CFAP54: variants seen among roughly 807,000 people sequenced by gnomAD.
CFAP54 encodes cilia and flagella associated protein 54, also known as cilia- and flagella-associated protein 54.
Under a neutral mutation model 370.4 loss-of-function variants are expected in CFAP54, and 290 were observed. The observed-to-expected ratio is 0.78, with a 90% CI of 0.71 to 0.86. The LOEUF is 0.86. Among genes scored for constraint, CFAP54 ranks in the 40% least tolerant of loss-of-function variants. CFAP54 has a pLI of 0.00. For synonymous variants in CFAP54, 1,206 were observed against 1,236.5 expected, an observed-to-expected ratio of 0.98 and a Z score of 0.52; for missense variants, 3,399 against 3,528.7, an observed-to-expected ratio of 0.96 and a Z score of 0.93.
At chr12:96,631,476 G>T (rs1051591690) in intron 32 of CFAP54, among the ~76,000 whole-genome samples, 18 of 99,524 alleles carry the variant, frequency 1.8e-4, no homozygotes, top group African/African-American at 4.8e-4. Flanking sequence ...ATTTGCTTTG[G>T]AAATTTGCCT....
chr12:96,613,478 A>G (rs1226741887), intron 26 of CFAP54, among the ~76,000 whole-genome samples: 1 of 152,208 alleles, frequency 6.6e-6, no homozygotes, highest in Non-Finnish European at 1.5e-5. Flanking sequence ...GCAAGAGCGA[A>G]CACATTCAAA....
chr12:96,685,000 T>G lies in CFAP54; in HGVS notation c.5805-29T>G. ...ATTTAATAATGGGTCTCAGAAAACT[T>G]ACTGCTTGATGCTTTGTCTCTGTTT... On this transcript the variant is annotated intron_variant, in intron 41 of 67. Transcript: ENST00000524981. 5 of 1,606,290 alleles carry G rather than the reference T, an allele frequency of 3.1e-6. No individual in the cohort carries two copies. The South Asian group carries it at 4.4e-5, about 14-fold the overall frequency.
chr12:96,552,246 C>CAAAAAAAAAAAAAA (rs374756712), intron 15 of CFAP54, among the ~76,000 whole-genome samples: 2 of 40,974 alleles, frequency 4.9e-5, no homozygotes, highest in African/African-American at 7.6e-5. Flanking sequence ...AACTACATCT[C>CAAAAAAAAAAAAAA]AAAAAAAAAA....
At chr12:96,808,990 T>C (rs1210992185) in intron 63 of CFAP54, among the ~76,000 whole-genome samples, 1 of 152,218 alleles carries the variant, frequency 6.6e-6, no homozygotes, top group Non-Finnish European at 1.5e-5. Context: ...CATAAAATTC[T>C]AGGCTGACAG....
At chr12:96,662,287 C>A (rs997233742) in intron 38 of CFAP54, among the ~76,000 whole-genome samples, 1 of 152,162 alleles carries the variant, frequency 6.6e-6, no homozygotes, top group African/African-American at 2.4e-5. Context: ...TCGCTGCAAC[C>A]TCTGCCTCCT....
chr12:96,716,707 C>G (rs533773349), intron 48 of CFAP54, among the ~76,000 whole-genome samples: 1 of 152,280 alleles, frequency 6.6e-6, no homozygotes, highest in South Asian at 2.1e-4. Context: ...ACACTCTGCT[C>G]TGACCTTGCC....
chr12:96,764,111 C>A, intron 58 of CFAP54, 40 bp from the exon 59 acceptor site: 1 of 1,380,472 alleles, frequency 7.2e-7, no homozygotes, highest in Non-Finnish European at 1.0e-6. Flanking sequence ...GAAGAGTTAT[C>A]ACAAAACTTT....
At chr12:96,552,349 T>C (rs1024626715) in intron 15 of CFAP54, among the ~76,000 whole-genome samples, 1 of 152,070 alleles carries the variant, frequency 6.6e-6, no homozygotes, top group Non-Finnish European at 1.5e-5. Context: ...TAATCTTTTT[T>C]TTGTTGTTTT....
intron 39 of CFAP54, among the ~76,000 whole-genome samples, chr12:96,670,252 A>G (rs1475634495): frequency 3.3e-5 from 5 of 152,172 alleles, no homozygotes; most frequent in Non-Finnish European, 7.3e-5. Flanking sequence ...CTTTATGTTA[A>G]GGGCTTTTCA....
chr12:96,793,451 T>C (rs1958725179), intron 63 of CFAP54, among the ~76,000 whole-genome samples: 1 of 152,214 alleles, frequency 6.6e-6, no homozygotes, highest in Non-Finnish European at 1.5e-5. Flanking sequence ...CACTCACTGA[T>C]TGATGGGCAT....
intron 22 of CFAP54, 31 bp downstream of exon 22, chr12:96,581,136 TG>T: frequency 2.2e-6 from 3 of 1,375,258 alleles, no homozygotes; most frequent in Non-Finnish European, 2.8e-6. Context: ...TTTTTTCCAC[TG>T]TGTTTTTTTT....
chr12:96,828,950 A>C, intron 65 of CFAP54, 64 bp from the exon 66 acceptor site: 2 of 784,250 alleles, frequency 2.6e-6, no homozygotes, highest in Non-Finnish European at 4.0e-6. Flanking sequence ...TTTATAATTA[A>C]ATAGGTAATA....
intron 1 of CFAP54, among the ~76,000 whole-genome samples, chr12:96,495,350 C>T (rs935941291): frequency 6.6e-6 from 1 of 151,208 alleles, no homozygotes; most frequent in African/African-American, 2.4e-5. Context: ...TTCTGTCGCC[C>T]AGGCTGGAGT....
chr12:96,874,603 G>A (rs1045885795), intron 67 of CFAP54, among the ~76,000 whole-genome samples: 3 of 146,894 alleles, frequency 2.0e-5, no homozygotes, highest in Non-Finnish European at 4.5e-5. Context: ...TTCTGTTTTG[G>A]GATCTCTGCT....
chr12:96,511,111 G>T (rs1955161510), intron 4 of CFAP54, among the ~76,000 whole-genome samples: 1 of 152,150 alleles, frequency 6.6e-6, no homozygotes, highest in African/African-American at 2.4e-5. Context: ...TGCAGGTGCT[G>T]GGGGTAGTCA....
At chr12:96,796,641 GT>G in intron 63 of CFAP54, among the ~76,000 whole-genome samples, 1 of 152,166 alleles carries the variant, frequency 6.6e-6, no homozygotes, top group East Asian at 1.9e-4. Flanking sequence ...AGTTTTAAAT[GT>G]TCTATCATTT....
Position 96,513,099 on chromosome 12 carries a change from TA to T in CFAP54, c.798+57del. 4.6e-6 allele frequency: 5 copies of T among 1,091,536 alleles called. No homozygotes were observed. The South Asian group carries it at 9.0e-5, about 20-fold the overall frequency. The allele number at this position is 1,091,536 out of a possible 1,614,324, so 67.6% of individuals were successfully genotyped here. ...CCTCTATTTCCTGTTTTATTTTTCT[TA>T]AGGCTTTCATTACACAGTATATTGA... On this transcript the variant is annotated intron_variant, in intron 5 of 67. Transcript: ENST00000524981.
intron 1 of CFAP54, 58 bp downstream of exon 1, chr12:96,489,984 G>A: frequency 3.3e-5 from 48 of 1,441,548 alleles, no homozygotes; most frequent in Non-Finnish European, 4.4e-5. Context: ...CCCTGGAAAG[G>A]GCTGGAGGAT....
At chr12:96,561,773 C>CTTTT (rs376442763) in intron 17 of CFAP54, among the ~76,000 whole-genome samples, 11 of 94,850 alleles carry the variant, frequency 1.2e-4, no homozygotes, top group South Asian at 3.9e-4. Flanking sequence ...ATCACAAGTT[C>CTTTT]TTTTTTTTTT....
Sources: gnomAD v4.1 joint callset for allele counts (sites outside exome capture counted in the v4.1 genomes callset) on GRCh38, gnomAD v4.1.1 for gene constraint, MANE v1.5 for transcripts, NCBI Gene and HGNC (gene_info 2026-07-23, HGNC 2026-07-21) for gene names.